The following FHIT variants were observed in gnomAD, a reference collection of about 807,000 sequenced individuals.
The protein encoded by FHIT is fragile histidine triad diadenosine triphosphatase, also known as bis(5'-adenosyl)-triphosphatase.
A neutral mutation model predicts 17.9 loss-of-function variants in FHIT; 19 were observed. The ratio of observed to expected loss-of-function variants is 1.06; its 90% confidence interval spans 0.74 to 1.56. The LOEUF (loss-of-function observed/expected upper bound fraction) is 1.56. FHIT is among the 40% of genes most tolerant of loss of function. The pLI is 0.00. For missense variants in FHIT, 248 were observed against 189.2 expected (o/e 1.31, Z -1.82); for synonymous variants, 81 against 69.7 (o/e 1.16, Z -0.81).
At chr3:60,022,553 G>T (rs759178775) in intron 5 of FHIT, among the ~76,000 whole-genome samples, 1 of 152,148 alleles carries the variant, frequency 6.6e-6, no homozygotes, top group Admixed American at 6.5e-5. Flanking sequence ...GTGAGACCCC[G>T]AATTATAGGT....
intron 4 of FHIT, among the ~76,000 whole-genome samples, chr3:60,597,222 T>G (rs2038299383): frequency 6.6e-6 from 1 of 152,156 alleles, no homozygotes; most frequent in Non-Finnish European, 1.5e-5. Context: ...AGAAGAGATT[T>G]TTTTCAAAAC....
At chr3:61,005,976 A>G (rs2031419516) in intron 3 of FHIT, among the ~76,000 whole-genome samples, 1 of 152,146 alleles carries the variant, frequency 6.6e-6, no homozygotes, top group African/African-American at 2.4e-5. Context: ...TGAGGGTGAA[A>G]GAAGGAAGAG....
At chr3:61,060,518 C>A (rs1308809576) in intron 2 of FHIT, among the ~76,000 whole-genome samples, 2 of 152,206 alleles carry the variant, frequency 1.3e-5, no homozygotes, top group Non-Finnish European at 2.9e-5. Context: ...TAAGCTGGAG[C>A]TATTTCCTAG....
At chr3:60,462,050 A>G (rs1184322831) in intron 5 of FHIT, among the ~76,000 whole-genome samples, 1 of 152,172 alleles carries the variant, frequency 6.6e-6, no homozygotes, top group African/African-American at 2.4e-5. Flanking sequence ...AGTAAAAACT[A>G]ACACTGAATG....
intron 5 of FHIT, among the ~76,000 whole-genome samples, chr3:60,128,106 T>A (rs73831590): frequency 0.035 from 5,283 of 152,270 alleles, 293 homozygotes; most frequent in African/African-American, 0.12. Flanking sequence ...GTATTTAATA[T>A]GAAATGAGAA....
chr3:60,276,091 C>T (rs1336041613), intron 5 of FHIT, among the ~76,000 whole-genome samples: 1 of 151,754 alleles, frequency 6.6e-6, no homozygotes, highest in Non-Finnish European at 1.5e-5. Context: ...GGGTTCACGC[C>T]ATTCTCCTGC....
At chr3:60,043,736 C>T (rs997270127) in intron 5 of FHIT, among the ~76,000 whole-genome samples, 1 of 152,126 alleles carries the variant, frequency 6.6e-6, no homozygotes, top group Non-Finnish European at 1.5e-5. Flanking sequence ...ATGCAATAAA[C>T]CTCCCACTGA....
At position 60,570,930 on chromosome 3, in the gene FHIT, G is replaced by A. The variant is rs183338396; in HGVS notation, c.-17-33951C>T. Reference sequence around the variant, plus strand: ...ATTGTAGCTCTCAGAAGACTGGCAAGCAAGACCTGCAATTTTACTCTATAA... The same window carrying A: ...ATTGTAGCTCTCAGAAGACTGGCAAACAAGACCTGCAATTTTACTCTATAA... On this transcript the variant is annotated intron_variant, in intron 4 of 9. Transcript: ENST00000492590. Among the ~76,000 whole-genome samples the A allele has an allele frequency of 4.9e-4, 74 of 152,036 alleles. 1 individual carries two copies. The highest frequency in any genetic ancestry group is 9.9e-4 in the Non-Finnish European group (67 of 67,986).
chr3:60,935,203 T>A (rs1229334727), intron 3 of FHIT, among the ~76,000 whole-genome samples: 4 of 152,184 alleles, frequency 2.6e-5, no homozygotes, highest in African/African-American at 9.7e-5. Context: ...AATAGTTAAT[T>A]AACTATTATG....
intron 1 of FHIT, among the ~76,000 whole-genome samples, chr3:61,220,348 A>G (rs1485239593): frequency 6.6e-6 from 1 of 152,238 alleles, no homozygotes. Context: ...CTTTAAACAC[A>G]TGGAATTATT....
intron 3 of FHIT, among the ~76,000 whole-genome samples, chr3:61,037,969 C>G (rs752714805): frequency 3.9e-5 from 6 of 152,206 alleles, no homozygotes; most frequent in Non-Finnish European, 8.8e-5. Context: ...GCGCTCCAAA[C>G]AGTCCTAGTC....
At chr3:60,448,498 G>C (rs746904764) in intron 5 of FHIT, among the ~76,000 whole-genome samples, 1 of 152,136 alleles carries the variant, frequency 6.6e-6, no homozygotes, top group Non-Finnish European at 1.5e-5. Flanking sequence ...CATCTTCACA[G>C]TAACTCTGAA....
chr3:60,857,969 T>G (rs1703456280), intron 3 of FHIT, among the ~76,000 whole-genome samples: 2 of 152,180 alleles, frequency 1.3e-5, no homozygotes, highest in South Asian at 4.1e-4. Context: ...CTATAAGAGC[T>G]TAACAATTGT....
intron 5 of FHIT, among the ~76,000 whole-genome samples, chr3:60,309,084 G>A (rs560233909): frequency 1.3e-5 from 2 of 152,214 alleles, no homozygotes; most frequent in African/African-American, 2.4e-5. Context: ...ATTGACAGTT[G>A]TTTCCCTTTC....
At chr3:60,044,394 C>T (rs1306310234) in intron 5 of FHIT, among the ~76,000 whole-genome samples, 1 of 152,118 alleles carries the variant, frequency 6.6e-6, no homozygotes, top group Non-Finnish European at 1.5e-5. Flanking sequence ...ATGCAGAACC[C>T]CCTGTAACAT....
At chr3:60,082,266 C>A (rs1703321206) in intron 5 of FHIT, among the ~76,000 whole-genome samples, 1 of 151,928 alleles carries the variant, frequency 6.6e-6, no homozygotes, top group African/African-American at 2.4e-5. Context: ...AGGATAATGA[C>A]CTGCAGCTGC....
At chr3:61,029,921 C>G (rs574438021) in intron 3 of FHIT, among the ~76,000 whole-genome samples, 2 of 152,344 alleles carry the variant, frequency 1.3e-5, no homozygotes, top group South Asian at 2.1e-4. Context: ...GTTAGAACCT[C>G]AGGCTCTTGG....
chr3:60,303,526 T>C (rs1708534057), intron 5 of FHIT, among the ~76,000 whole-genome samples: 1 of 152,144 alleles, frequency 6.6e-6, no homozygotes, highest in Admixed American at 6.6e-5. Context: ...GGAAGACCAT[T>C]TCCAGAGCCT....
intron 4 of FHIT, among the ~76,000 whole-genome samples, chr3:60,760,920 A>G (rs782092246): frequency 6.6e-6 from 1 of 152,168 alleles, no homozygotes; most frequent in Non-Finnish European, 1.5e-5. Flanking sequence ...ACAAAACAAC[A>G]TTCAAATATA....
Sources: gnomAD v4.1 joint callset for allele counts (sites outside exome capture counted in the v4.1 genomes callset) on GRCh38, gnomAD v4.1.1 for gene constraint, MANE v1.5 for transcripts, NCBI Gene and HGNC (gene_info 2026-07-23, HGNC 2026-07-21) for gene names.